PCDHGA4: variants seen among roughly 807,000 people sequenced by gnomAD.
The protein encoded by PCDHGA4 is protocadherin gamma-A4.
A neutral mutation model predicts 54.6 loss-of-function variants in PCDHGA4; 38 were observed. That is an observed-to-expected ratio of 0.70 (90% CI 0.54 to 0.91). PCDHGA4 has a LOEUF of 0.91. Among genes scored for constraint, PCDHGA4 ranks in the 40% least tolerant of loss-of-function variants. The pLI, the probability that PCDHGA4 is intolerant of heterozygous loss-of-function variation, is 0.00. For missense variants in PCDHGA4, 1,298 were observed against 1,220.9 expected, an observed-to-expected ratio of 1.06 and a Z score of -0.94; for synonymous variants, 511 against 512.9, an observed-to-expected ratio of 1.00 and a Z score of 0.05.
chr5:141,491,293 C>T lies in PCDHGA4; in HGVS notation c.2515-3514C>T. On this transcript the variant is annotated intron_variant, in intron 1 of 3. Transcript: ENST00000571252. This position sits in a 1 kb window ranked among gnomAD's most constrained non-coding sequence, Gnocchi z 6.9. Reference sequence around the variant, plus strand: ...ATCCAGTGACTTCCTCATACACCCTCCTGAGCGTTCAGACCTTACCCTTTA... The same window carrying T: ...ATCCAGTGACTTCCTCATACACCCTTCTGAGCGTTCAGACCTTACCCTTTA... 6.2e-7 allele frequency: 1 copy of T among 1,614,166 alleles called. No homozygotes were observed. The highest frequency in any genetic ancestry group is 1.3e-5 in the African/African-American group (1 of 75,058).
At position 141,489,300 on chromosome 5, in the gene PCDHGA4, C is replaced by T; in HGVS notation, c.2515-5507C>T. 1 of 1,585,700 alleles carries T rather than the reference C, an allele frequency of 6.3e-7. No individual in the cohort carries two copies. The highest frequency in any genetic ancestry group is 1.3e-5 in the African/African-American group (1 of 74,388). On this transcript the variant is annotated intron_variant, in intron 1 of 3. Coordinates refer to ENST00000571252, the MANE Select transcript of PCDHGA4 (RefSeq NM_018917.4). This position sits in a 1 kb window ranked among gnomAD's most constrained non-coding sequence, Gnocchi z 4.5. The stretch of plus-strand genomic sequence containing the variant: ...AATGGCAAGTGCTGTGCATGTTGTC[C>T]TTGTGCTGCTGGGGCTGGGTGTCTG...
chr5:141,492,579 G>T (rs547852117), intron 1 of PCDHGA4, among the ~76,000 whole-genome samples: 2 of 152,356 alleles, frequency 1.3e-5, no homozygotes, highest in East Asian at 1.9e-4. Context: ...GAGGCGCGGG[G>T]CCAGGAGCGC....
intron 1 of PCDHGA4, chr5:141,403,838 G>C: frequency 6.2e-7 from 1 of 1,613,710 alleles, no homozygotes; most frequent in Non-Finnish European, 8.5e-7. Context: ...CCAGCTTAAT[G>C]AAAATACTGG....
chr5:141,473,848 A>T (rs1281010822), intron 1 of PCDHGA4, among the ~76,000 whole-genome samples: 1 of 152,198 alleles, frequency 6.6e-6, no homozygotes, highest in Non-Finnish European at 1.5e-5. Flanking sequence ...TTTTAGGAAG[A>T]TGAACCTCGC....
intron 1 of PCDHGA4, chr5:141,398,812 C>T (rs1255452758): frequency 1.9e-6 from 3 of 1,613,824 alleles, no homozygotes; most frequent in Admixed American, 3.3e-5. Context: ...CACTGAGCTC[C>T]GGATCCAGGT....
chr5:141,432,087 C>G lies in PCDHGA4; in HGVS notation c.2515-62720C>G. On this transcript the variant is annotated intron_variant, in intron 1 of 3. Coordinates refer to ENST00000571252, the MANE Select transcript of PCDHGA4 (RefSeq NM_018917.4). This position sits in a 1 kb window ranked among gnomAD's most constrained non-coding sequence, Gnocchi z 6.0. ...GAAACTCATATCTCGCTGAACGTGG[C>G]AGACACCAACGACAACCCGCCGGTC... 3 of 1,614,178 alleles carry G rather than the reference C, an allele frequency of 1.9e-6. No homozygotes were observed. The highest frequency in any genetic ancestry group is 2.5e-6 in the Non-Finnish European group (3 of 1,180,042).
In PCDHGA4 at chr5:141,486,680, T is replaced by A; in HGVS notation, c.2515-8127T>A. The A allele has an allele frequency of 6.2e-7, 1 of 1,614,102 alleles. No homozygotes were observed. Among genetic ancestry groups the A allele is most frequent in the Non-Finnish European group, 8.5e-7 (1 of 1,180,018 alleles). ...CCTGGAGCCCAGGAATCGAGATGTA[T>A]CAGCTTCCTCTTTCATCTCTCTGAA... is the stretch of plus-strand genomic sequence containing the variant. On this transcript the variant is annotated intron_variant, in intron 1 of 3. Coordinates refer to ENST00000571252, the MANE Select transcript of PCDHGA4 (RefSeq NM_018917.4). This position sits in a 1 kb window ranked among gnomAD's most constrained non-coding sequence, Gnocchi z 5.0.
At chr5:141,423,384 C>G (rs1196881147) in intron 1 of PCDHGA4, 1 of 1,614,054 alleles carries the variant, frequency 6.2e-7, no homozygotes, top group Non-Finnish European at 8.5e-7. Context: ...GGCTGTGGCG[C>G]TGGCATAAGT....
chr5:141,366,397 C>G, intron 1 of PCDHGA4: 2 of 1,614,182 alleles, frequency 1.2e-6, no homozygotes, highest in African/African-American at 1.3e-5. Flanking sequence ...ATCTGGACCT[C>G]ACACTCTATC....
At chr5:141,495,719 C>T (rs929450759) in intron 2 of PCDHGA4, among the ~76,000 whole-genome samples, 12 of 152,150 alleles carry the variant, frequency 7.9e-5, no homozygotes, top group African/African-American at 2.4e-5. Context: ...AGTAACTACA[C>T]GGGACCCTTA....
In PCDHGA4 at chr5:141,409,573, C is replaced by A. The variant is rs562811168; in HGVS notation, c.2514+51952C>A. 7 of 1,613,816 alleles carry A rather than the reference C, an allele frequency of 4.3e-6. No individual in the cohort carries two copies. In the Admixed American group the frequency reaches 1.2e-4, roughly 27 times the overall value. ...CCCCAGTTTTCGACCAGACGTCCTA[C>A]GTGGTCCACGTGGCCGAGAACAACC... On this transcript the variant is annotated intron_variant, in intron 1 of 3. Transcript: ENST00000571252.
intron 1 of PCDHGA4, chr5:141,415,810 T>C: frequency 7.4e-7 from 1 of 1,360,418 alleles, no homozygotes; most frequent in Non-Finnish European, 9.5e-7. Context: ...AATCAAGGCC[T>C]ATATATCATA....
chr5:141,383,987 G>A (rs773186043), intron 1 of PCDHGA4: 70 of 1,613,612 alleles, frequency 4.3e-5, no homozygotes, highest in Admixed American at 3.3e-5. Context: ...ACACCTCTTG[G>A]GACAGTCATT....
At position 141,485,880 on chromosome 5, in the gene PCDHGA4, A is replaced by G; in HGVS notation, c.2515-8927A>G. 1 of 1,614,124 alleles carries G rather than the reference A, an allele frequency of 6.2e-7. No individual in the cohort carries two copies. Among genetic ancestry groups the G allele is most frequent in the Non-Finnish European group, 8.5e-7 (1 of 1,180,026 alleles). On this transcript the variant is annotated intron_variant, in intron 1 of 3. Transcript: ENST00000571252. The surrounding 1 kb of genome is among the most constrained non-coding windows in gnomAD (Gnocchi z 5.7). ...CTCCGGGTATCCGTGCTGGACGTAA[A>G]CGACAACGCCCCAGCCTTCCAGCAA... is the stretch of plus-strand genomic sequence containing the variant.
intron 1 of PCDHGA4, chr5:141,375,357 C>A: frequency 6.2e-7 from 1 of 1,613,858 alleles, no homozygotes; most frequent in Non-Finnish European, 8.5e-7. Context: ...GTGACAGCCA[C>A]GGACAAAGGA....
chr5:141,476,453 G>C lies in PCDHGA4; in HGVS notation c.2515-18354G>C. On this transcript the variant is annotated intron_variant, in intron 1 of 3. Coordinates refer to ENST00000571252, the MANE Select transcript of PCDHGA4 (RefSeq NM_018917.4). This position sits in a 1 kb window ranked among gnomAD's most constrained non-coding sequence, Gnocchi z 7.6. The stretch of plus-strand genomic sequence containing the variant: ...CACTGTAACTCTGGAGTTGGTAGTG[G>C]AGAACCCGCTGGAGCTGTTCAGCGT... 2 of 1,614,138 alleles carry C rather than the reference G, an allele frequency of 1.2e-6. No homozygotes were observed. Among genetic ancestry groups the C allele is most frequent in the Non-Finnish European group, 1.7e-6 (2 of 1,180,022 alleles).
Position 141,491,547 on chromosome 5 carries a change from G to A in PCDHGA4, c.2515-3260G>A. On this transcript the variant is annotated intron_variant, in intron 1 of 3. Transcript: ENST00000571252. This position sits in a 1 kb window ranked among gnomAD's most constrained non-coding sequence, Gnocchi z 6.9. ...AGGTGACGCTGCGGCCCACAGACTC[G>A]CAGAGCCACTGCTACAGGACGTGCT... is the stretch of plus-strand genomic sequence containing the variant. The A allele has an allele frequency of 4.3e-6, 7 of 1,613,974 alleles. No individual in the cohort carries two copies. The highest frequency in any genetic ancestry group is 5.9e-6 in the Non-Finnish European group (7 of 1,180,022).
At chr5:141,414,733 G>A (rs768741206) in intron 1 of PCDHGA4, 2 of 1,614,174 alleles carry the variant, frequency 1.2e-6, no homozygotes. Flanking sequence ...CGTCCTGTAT[G>A]CACTCAGATC....
At chr5:141,426,726 G>A (rs916323483) in intron 1 of PCDHGA4, 2 of 448,052 alleles carry the variant, frequency 4.5e-6, no homozygotes, top group South Asian at 1.6e-5. Flanking sequence ...AGCAATTCCA[G>A]GCATTCGGTT....
Sources: gnomAD v4.1 joint callset for allele counts (sites outside exome capture counted in the v4.1 genomes callset) on GRCh38, gnomAD v4.1.1 for gene constraint, Gnocchi (gnomAD v3.1) non-coding constraint, MANE v1.5 for transcripts, NCBI Gene and HGNC (gene_info 2026-07-23, HGNC 2026-07-21) for gene names.